Variants in ERO1B observed in about 807,000 individuals in gnomAD.
ERO1B encodes the protein endoplasmic reticulum oxidoreductase 1 beta.
A neutral mutation model predicts 75.3 loss-of-function variants in ERO1B; 49 were observed. The ratio of observed to expected loss-of-function variants is 0.65; its 90% confidence interval spans 0.52 to 0.83. The LOEUF is 0.83. ERO1B is among the 40% of genes least tolerant of loss of function. ERO1B has a pLI of 0.00. For missense variants in ERO1B, 512 were observed against 560.1 expected, an observed-to-expected ratio of 0.91 and a Z score of 0.87; for synonymous variants, 191 against 192.9, an observed-to-expected ratio of 0.99 and a Z score of 0.08.
chr1:236,235,850 A>G lies in ERO1B; in HGVS notation c.627-15T>C, dbSNP rs1003253864. The stretch of plus-strand genomic sequence containing the variant: ...CAGATCGAGGCCTGAAAAAGAAAGC[A>G]TAATACCCAAACATAGAATGTTTTA... On this transcript the variant is annotated splice_polypyrimidine_tract_variant and intron_variant, in intron 7 of 15. Transcript: ENST00000354619. 11 of 1,609,522 alleles carry G rather than the reference A, an allele frequency of 6.8e-6. No homozygotes were observed. In the African/African-American group the frequency reaches 1.2e-4, roughly 18 times the overall value.
chr1:236,227,112 T>C (rs892755600), intron 10 of ERO1B, among the ~76,000 whole-genome samples: 7 of 152,178 alleles, frequency 4.6e-5, no homozygotes, highest in African/African-American at 1.4e-4. Flanking sequence ...GCTGGATTTT[T>C]CCCCCTTCCT....
intron 9 of ERO1B, among the ~76,000 whole-genome samples, chr1:236,230,577 C>T (rs1261824375): frequency 6.9e-6 from 1 of 145,944 alleles, no homozygotes; most frequent in African/African-American, 2.5e-5. Context: ...ATACCACTGC[C>T]CTCCAGCCTG....
At chr1:236,266,628 AAAT>A (rs1172126000) in intron 2 of ERO1B, among the ~76,000 whole-genome samples, 21 of 152,198 alleles carry the variant, frequency 1.4e-4, no homozygotes, top group Admixed American at 9.2e-4. Flanking sequence ...TAAAATTAAA[AAAT>A]AATAATAAGT....
rs760253373 is a variant in ERO1B, at chr1:236,226,603, T to C, written c.805+44A>G. ...GAATATGTATTCTCTCCAATAATTTTTACACTAATAGAAGGCAAAATCTCG... is the reference window on the plus strand; with the variant it reads ...GAATATGTATTCTCTCCAATAATTTCTACACTAATAGAAGGCAAAATCTCG... On this transcript the variant is annotated intron_variant, in intron 11 of 15. Coordinates refer to ENST00000354619, the MANE Select transcript of ERO1B (RefSeq NM_019891.4). 21 of 1,595,902 alleles carry C rather than the reference T, an allele frequency of 1.3e-5. No homozygotes were observed. The South Asian group carries it at 2.4e-4, about 18-fold the overall frequency.
chr1:236,234,386 T>A (rs1165067528), intron 8 of ERO1B, among the ~76,000 whole-genome samples: 1 of 152,208 alleles, frequency 6.6e-6, no homozygotes, highest in East Asian at 1.9e-4. Flanking sequence ...AAGTATTAAG[T>A]GGCTGTAGAA....
At chr1:236,224,618 C>T (rs1664233945) in intron 13 of ERO1B, among the ~76,000 whole-genome samples, 1 of 152,096 alleles carries the variant, frequency 6.6e-6, no homozygotes, top group African/African-American at 2.4e-5. Flanking sequence ...TCTGATGTCA[C>T]ATGTTAACAG....
At chr1:236,232,676 A>AAT in intron 9 of ERO1B, 152 bp downstream of exon 9, 1 of 480,260 alleles carries the variant, frequency 2.1e-6, no homozygotes. Flanking sequence ...TATATAAAAT[A>AAT]ATCTTTTTTT....
At chr1:236,251,588 C>T (rs1452971887) in intron 4 of ERO1B, among the ~76,000 whole-genome samples, 2 of 152,060 alleles carry the variant, frequency 1.3e-5, no homozygotes, top group Non-Finnish European at 2.9e-5. Context: ...AAACGGTTCT[C>T]TAAAAACATA....
rs1313903763 is a variant in ERO1B, at chr1:236,215,562, A to C, written c.*2954T>G. 1 of 152,196 alleles carries C rather than the reference A, an allele frequency of 6.6e-6. No homozygotes were observed. Among genetic ancestry groups the C allele is most frequent in the African/African-American group, 2.4e-5 (1 of 41,448 alleles). 9.4% of individuals were successfully genotyped at this position (152,196 alleles called of 1,614,324 possible). A position where few individuals can be genotyped will look rare whatever the true frequency, so the allele number is the denominator to read the frequency against. On this transcript the variant is annotated 3_prime_UTR_variant, in exon 16 of 16. Coordinates refer to ENST00000354619, the MANE Select transcript of ERO1B (RefSeq NM_019891.4). Reference sequence around the variant, plus strand: ...AAAACAAGACAGAAAAGATTGCAGAAACATGTACTTTAATTCACATTTTCT... The same window carrying C: ...AAAACAAGACAGAAAAGATTGCAGACACATGTACTTTAATTCACATTTTCT...
At chr1:236,226,164 A>G (rs1176550641) in intron 12 of ERO1B, 105 bp downstream of exon 12, 1 of 1,107,330 alleles carries the variant, frequency 9.0e-7, no homozygotes, top group Admixed American at 2.3e-5. Flanking sequence ...TCTGTTCTAC[A>G]TCTCCCCTCG....
intron 5 of ERO1B, 106 bp downstream of exon 5, chr1:236,249,779 T>G (rs757203603): frequency 3.4e-5 from 25 of 742,288 alleles, no homozygotes; most frequent in Non-Finnish European, 4.8e-5. Flanking sequence ...TAAAAATATA[T>G]TAGTTAAAAC....
In ERO1B at chr1:236,218,251, T is replaced by C. The variant is rs550749861; in HGVS notation, c.*265A>G. 7.3e-5 allele frequency: 14 copies of C among 192,578 alleles called. No individual in the cohort carries two copies. In the South Asian group the frequency reaches 1.5e-3, roughly 20 times the overall value. 11.9% of individuals were successfully genotyped at this position (192,578 alleles called of 1,614,324 possible). ...AAAACAAAACCAATTCTAAAAAAAA[T>C]AGAATTTTCATTACATGAAAACATA... On this transcript the variant is annotated 3_prime_UTR_variant, in exon 16 of 16. Coordinates refer to ENST00000354619, the MANE Select transcript of ERO1B (RefSeq NM_019891.4).
At chr1:236,219,458 T>A (rs1664079728) in intron 15 of ERO1B, among the ~76,000 whole-genome samples, 1 of 152,212 alleles carries the variant, frequency 6.6e-6, no homozygotes. Context: ...AATTTTCAAT[T>A]GTTTTGAAAT....
At chr1:236,242,322 A>G (rs1664730505) in intron 6 of ERO1B, among the ~76,000 whole-genome samples, 1 of 152,136 alleles carries the variant, frequency 6.6e-6, no homozygotes, top group Non-Finnish European at 1.5e-5. Context: ...ACTCAAATAT[A>G]AATGGCAACC....
intron 1 of ERO1B, among the ~76,000 whole-genome samples, chr1:236,278,107 T>C (rs1665748973): frequency 6.6e-6 from 1 of 152,134 alleles, no homozygotes. Flanking sequence ...CTTCAATAAT[T>C]TTTCGAGGTT....
intron 1 of ERO1B, among the ~76,000 whole-genome samples, chr1:236,276,018 T>C (rs1665704241): frequency 6.6e-6 from 1 of 152,160 alleles, no homozygotes; most frequent in Admixed American, 6.5e-5. Context: ...GTGAATCATA[T>C]GAATACACGA....
At chr1:236,234,163 G>A (rs1664483336) in intron 8 of ERO1B, among the ~76,000 whole-genome samples, 1 of 152,130 alleles carries the variant, frequency 6.6e-6, no homozygotes, top group South Asian at 2.1e-4. Flanking sequence ...TCCTATAACA[G>A]CTAGGAACCA....
At chr1:236,226,614 GA>G in intron 11 of ERO1B, 32 bp downstream of exon 11, 2 of 1,599,666 alleles carry the variant, frequency 1.3e-6, no homozygotes. Flanking sequence ...TACACTAATA[GA>G]AGGCAAAATC....
At chr1:236,242,498 T>C (rs779236597) in intron 6 of ERO1B, among the ~76,000 whole-genome samples, 126 of 152,134 alleles carry the variant, frequency 8.3e-4, no homozygotes, top group Non-Finnish European at 1.3e-3. Flanking sequence ...CAAGATAACA[T>C]TCCATCTCCC....
Sources: allele counts gnomAD v4.1 joint callset (sites outside exome capture counted in the v4.1 genomes callset), GRCh38; gene constraint gnomAD v4.1.1; transcripts MANE v1.5; gene names NCBI Gene and HGNC (gene_info 2026-07-23, HGNC 2026-07-21).